Variants in ABHD2 observed in about 807,000 individuals in gnomAD.
ABHD2 encodes abhydrolase domain containing 2, acylglycerol lipase.
In ABHD2, 20 loss-of-function variants were observed where a neutral mutation model predicts 48.1. The ratio of observed to expected loss-of-function variants is 0.42; its 90% CI spans 0.29 to 0.60. The LOEUF is 0.60. Among genes scored for constraint, ABHD2 ranks in the 20% least tolerant of loss-of-function variants. The pLI, the probability that ABHD2 is intolerant of heterozygous loss-of-function variation, is 0.24. For synonymous variants in ABHD2, 209 were observed against 214.2 expected (o/e 0.98, Z 0.21); for missense variants, 405 against 550.9 (o/e 0.74, Z 2.65).
At chr15:89,057,133 T>C in the ABHD2 span, among the ~76,000 whole-genome samples, 1 of 152,082 alleles carries the variant, frequency 6.6e-6, no homozygotes, top group Non-Finnish European at 1.5e-5. Context: ...AGGCTGGTCT[T>C]GAACTCCTGA....
rs1201185977 is a variant in ABHD2 at position 89,149,899 on chromosome 15, A to G, written c.195-1778A>G. Among the ~76,000 whole-genome samples the G allele has an allele frequency of 5.3e-5, 8 of 152,248 alleles. No homozygotes were observed. The East Asian group carries it at 9.7e-4, about 18-fold the overall frequency. ...GCTTGTGTGTTGAGATCACCCCTCCATTGGCGGGTGGATGATGGAGTAGGT... is the reference window on the plus strand; with the variant it reads ...GCTTGTGTGTTGAGATCACCCCTCCGTTGGCGGGTGGATGATGGAGTAGGT... On this transcript the variant is annotated intron_variant, in intron 3 of 10. Transcript: ENST00000352732.
chr15:89,053,329 C>T, the ABHD2 span, among the ~76,000 whole-genome samples: 2 of 152,094 alleles, frequency 1.3e-5, no homozygotes, highest in Non-Finnish European at 2.9e-5. Flanking sequence ...ACTTGTGGTA[C>T]TTTGTTACGG....
Position 89,094,011 on chromosome 15 carries a change from A to G in ABHD2, c.-107+5448A>G, listed in dbSNP as rs1415802764. On this transcript the variant is annotated intron_variant, in intron 1 of 10. Coordinates refer to ENST00000352732, the MANE Select transcript of ABHD2 (RefSeq NM_152924.5). This position sits in a 1 kb window ranked among gnomAD's most constrained non-coding sequence, Gnocchi z 4.7. ...GAGTCTGGTTTAGAGCCACCTGGAAATTGAATGGAATCTTTAGTCTATTAG... is the reference window on the plus strand; with the variant it reads ...GAGTCTGGTTTAGAGCCACCTGGAAGTTGAATGGAATCTTTAGTCTATTAG... 1 of 152,154 alleles carries G rather than the reference A, an allele frequency of 6.6e-6. No homozygotes were observed. Among genetic ancestry groups the G allele is most frequent in the Non-Finnish European group, 1.5e-5 (1 of 68,034 alleles). 9.4% of individuals were successfully genotyped at this position (152,154 alleles called of 1,614,324 possible).
the ABHD2 span, among the ~76,000 whole-genome samples, chr15:89,059,330 T>C: frequency 6.6e-6 from 1 of 152,202 alleles, no homozygotes; most frequent in Non-Finnish European, 1.5e-5. Context: ...GGCATGGTTC[T>C]GACCACCTAC....
At position 89,201,503 on chromosome 15, in the gene ABHD2, CA is replaced by C; in HGVS notation, c.*6085del. ...TCCATATCTGAAGTGTTTAGTGGAG[CA>C]AAAATTGTACCATAAACTTGTGTTT... On this transcript the variant is annotated 3_prime_UTR_variant, in exon 11 of 11. Coordinates refer to ENST00000352732, the MANE Select transcript of ABHD2 (RefSeq NM_152924.5). The C allele has an allele frequency of 6.3e-7, 1 of 1,586,980 alleles. No individual in the cohort carries two copies. The highest frequency in any genetic ancestry group is 8.7e-7 in the Non-Finnish European group (1 of 1,155,856).
At chr15:89,077,281 A>G in the ABHD2 span, among the ~76,000 whole-genome samples, 2 of 152,122 alleles carry the variant, frequency 1.3e-5, no homozygotes, top group South Asian at 4.2e-4. Flanking sequence ...TCTTTCACTC[A>G]CCTTTATGCT....
chr15:89,162,362 A>T (rs1480807486), intron 5 of ABHD2, among the ~76,000 whole-genome samples: 1 of 152,144 alleles, frequency 6.6e-6, no homozygotes, highest in Non-Finnish European at 1.5e-5. Flanking sequence ...TAGGTCTCTT[A>T]TGCCACTTTT....
At chr15:89,098,489 CACAGTGCTAACTGAGCTTCCA>C (rs1567065867) in intron 1 of ABHD2, among the ~76,000 whole-genome samples, 1 of 152,172 alleles carries the variant, frequency 6.6e-6, no homozygotes, top group East Asian at 1.9e-4. Context: ...GGAGGCTTTC[CACAGTGCTAACTGAGCTTCCA>C]ACCCCTTCCA....
At chr15:89,153,062 C>T (rs77392362) in intron 4 of ABHD2, among the ~76,000 whole-genome samples, 8,978 of 152,184 alleles carry the variant, frequency 0.059, 919 homozygotes, top group African/African-American at 0.21. Context: ...TTGATATTCC[C>T]TCTGCCTGGA....
the ABHD2 span, among the ~76,000 whole-genome samples, chr15:89,074,176 C>G: frequency 2.0e-5 from 3 of 152,148 alleles, no homozygotes; most frequent in African/African-American, 4.8e-5. Context: ...GAGTTCAAGA[C>G]CAGCCTGACC....
rs577797864 is a variant in ABHD2 at position 89,167,443 on chromosome 15, G to A, written c.539-8369G>A. Among the ~76,000 whole-genome samples the A allele has an allele frequency of 1.1e-4, 17 of 152,322 alleles. No homozygotes were observed. The highest frequency in any genetic ancestry group is 4.1e-4 in the African/African-American group (17 of 41,570). On this transcript the variant is annotated intron_variant, in intron 5 of 10. Transcript: ENST00000352732. This position sits in a 1 kb window ranked among gnomAD's most constrained non-coding sequence, Gnocchi z 5.5. ...TCGTAGTAAAACACCTGGCAAGATC[G>A]TCTGCTGAGAGCCAGGGGCCAGGAG...
the ABHD2 span, among the ~76,000 whole-genome samples, chr15:89,057,932 A>T: frequency 2.0e-5 from 3 of 152,114 alleles, no homozygotes; most frequent in Admixed American, 6.5e-5. Flanking sequence ...CCCTCTACCC[A>T]GTCCATCAGG....
At chr15:89,119,462 C>T (rs1055520383) in intron 3 of ABHD2, among the ~76,000 whole-genome samples, 9 of 152,270 alleles carry the variant, frequency 5.9e-5, no homozygotes, top group South Asian at 2.1e-4. Context: ...CTCTTTTGTC[C>T]GCGTTACTAC....
chr15:89,168,200 G>A lies in ABHD2; in HGVS notation c.539-7612G>A, dbSNP rs74378023. Among the ~76,000 whole-genome samples, 4 of 152,188 alleles carry A rather than the reference G, an allele frequency of 2.6e-5. No individual in the cohort carries two copies. The East Asian group carries it at 7.7e-4, about 29-fold the overall frequency. ...TTAGGTGTAGGGGCTTGAGAAAAAGGTGAGGGGTCTTTTCTGTTCCCAGCA... is the reference window on the plus strand; with the variant it reads ...TTAGGTGTAGGGGCTTGAGAAAAAGATGAGGGGTCTTTTCTGTTCCCAGCA... On this transcript the variant is annotated intron_variant, in intron 5 of 10. Coordinates refer to ENST00000352732, the MANE Select transcript of ABHD2 (RefSeq NM_152924.5). This position sits in a 1 kb window ranked among gnomAD's most constrained non-coding sequence, Gnocchi z 4.8.
chr15:89,084,303 C>T (rs569650155), upstream of ABHD2, among the ~76,000 whole-genome samples: 1 of 150,918 alleles, frequency 6.6e-6, no homozygotes, highest in Non-Finnish European at 1.5e-5. The surrounding 1 kb of genome is among the most constrained non-coding windows in gnomAD (Gnocchi z 4.4). Context: ...AAACCTAAAA[C>T]TATTTATTTA....
At position 89,185,982 on chromosome 15, in the gene ABHD2, A is replaced by T. The variant is rs2051201917; in HGVS notation, c.815+466A>T. On this transcript the variant is annotated intron_variant, in intron 7 of 10. Coordinates refer to ENST00000352732, the MANE Select transcript of ABHD2 (RefSeq NM_152924.5). This position sits in a 1 kb window ranked among gnomAD's most constrained non-coding sequence, Gnocchi z 5.9. ...ACCCTGTCTGAAAAAAAAGAAAAGA[A>T]ACCTGTCCCAAGCTACTGAATTTGC... Among the ~76,000 whole-genome samples, 1 of 152,182 alleles carries T rather than the reference A, an allele frequency of 6.6e-6. No individual in the cohort carries two copies. The highest frequency in any genetic ancestry group is 2.4e-5 in the African/African-American group (1 of 41,434).
the ABHD2 span, among the ~76,000 whole-genome samples, chr15:89,044,736 C>G: frequency 1.3e-5 from 2 of 152,082 alleles, no homozygotes; most frequent in African/African-American, 4.8e-5. Context: ...CCTTCGCCCA[C>G]TTTTTGATGG....
the ABHD2 span, among the ~76,000 whole-genome samples, chr15:89,063,138 T>G: frequency 1.3e-5 from 2 of 151,274 alleles, no homozygotes; most frequent in Admixed American, 1.3e-4. Flanking sequence ...CGGCTAATTT[T>G]TGTATTTTTA....
the ABHD2 span, among the ~76,000 whole-genome samples, chr15:89,056,962 G>A: frequency 7.5e-6 from 1 of 133,370 alleles, no homozygotes; most frequent in African/African-American, 2.8e-5. Context: ...TGCCCAAGCT[G>A]GAGTGCAATG....
Sources: gnomAD v4.1 joint callset for allele counts (sites outside exome capture counted in the v4.1 genomes callset) on GRCh38, gnomAD v4.1.1 for gene constraint, Gnocchi (gnomAD v3.1) non-coding constraint, MANE v1.5 for transcripts, NCBI Gene and HGNC (gene_info 2026-07-23, HGNC 2026-07-21) for gene names.